Variants in PVR observed in about 807,000 individuals in gnomAD.
PVR encodes the protein poliovirus receptor.
PVR carries 39 observed loss-of-function variants against 43.3 expected under a neutral mutation model. The observed-to-expected ratio is 0.90, with a 90% confidence interval of 0.70 to 1.18. The LOEUF (loss-of-function observed/expected upper bound fraction) is 1.18. PVR is among the 50% of genes most tolerant of loss of function. The pLI, the probability that PVR is intolerant of heterozygous loss-of-function variation, is 0.00. For missense variants in PVR, 480 were observed against 549.7 expected, an observed-to-expected ratio of 0.87 and a Z score of 1.27; for synonymous variants, 224 against 233.2, an observed-to-expected ratio of 0.96 and a Z score of 0.36.
At chr19:44,659,706 C>T (rs1210629304) in intron 6 of PVR, among the ~76,000 whole-genome samples, 2 of 151,936 alleles carry the variant, frequency 1.3e-5, no homozygotes, top group Non-Finnish European at 2.9e-5. Context: ...GGTCTCAAAC[C>T]CCTGGTCTCC....
chr19:44,657,996 CCTT>C lies in PVR; in HGVS notation c.991+89_991+91del. 2.1e-6 allele frequency: 3 copies of C among 1,418,984 alleles called. No individual in the cohort carries two copies. The Admixed American group carries it at 6.7e-5, about 32-fold the overall frequency. 87.9% of individuals were successfully genotyped at this position (1,418,984 alleles called of 1,614,324 possible). A position where few individuals can be genotyped will look rare whatever the true frequency, so the allele number is the denominator to read the frequency against. ...CTGTCTAATGCTCTCTGGCTCCCAT[CCTT>C]CTCCTAAGCCTTCTCACAAAAGGAC... is the stretch of plus-strand genomic sequence containing the variant. On this transcript the variant is annotated intron_variant, in intron 5 of 7. Coordinates refer to ENST00000425690, the MANE Select transcript of PVR (RefSeq NM_006505.5).
At chr19:44,658,674 C>A in intron 5 of PVR, 68 bp from the exon 6 acceptor site, 1 of 1,378,280 alleles carries the variant, frequency 7.3e-7, no homozygotes, top group South Asian at 1.4e-5. Flanking sequence ...ATTCAAGATG[C>A]CATTTCAAGA....
intron 1 of PVR, among the ~76,000 whole-genome samples, chr19:44,645,187 T>A (rs1430807724): frequency 2.1e-5 from 2 of 93,248 alleles, no homozygotes; most frequent in African/African-American, 9.3e-5. Context: ...TATATATTAT[T>A]ATAATATATA....
chr19:44,652,003 A>G (rs1973293638), intron 3 of PVR, among the ~76,000 whole-genome samples: 1 of 152,060 alleles, frequency 6.6e-6, no homozygotes, highest in Non-Finnish European at 1.5e-5. Context: ...TAAAAAATAC[A>G]AAAATTAGCC....
rs1368176545 is a variant in PVR at position 44,649,867 on chromosome 19, C to T, written c.486C>T (p.Pro162=). The change falls in exon 3 of 8, where the codon CCC becomes CCT. Residue 162 remains proline (P), a synonymous_variant. Coordinates refer to ENST00000425690, the MANE Select transcript of PVR (RefSeq NM_006505.5). ...QKVQLTGEPV[P]MARCVSTGGR... ...TCCAGCTCACTGGAGAGCCAGTGCC[C>T]ATGGCCCGCTGCGTCTCCACAGGGG... 9 of 1,614,124 alleles carry T rather than the reference C, an allele frequency of 5.6e-6. No homozygotes were observed. In the Middle Eastern group the frequency reaches 5.0e-4, roughly 89 times the overall value.
rs764932190 is a variant in PVR at position 44,658,882 on chromosome 19, T to G, written c.1132T>G (p.Cys378Gly). ...SKCSREVLWH[C>G]HLCPSSTEHA... Reference sequence around the variant, plus strand: ...ATGTTCCCGTGAGGTCCTTTGGCACTGTCATCTGTGTCCCTCGAGTGAGCA... The same window carrying G: ...ATGTTCCCGTGAGGTCCTTTGGCACGGTCATCTGTGTCCCTCGAGTGAGCA... The change falls in exon 6 of 8, where the codon TGT (cysteine) becomes GGT (glycine). Residue 378 changes from cysteine to glycine, a missense_variant. Physicochemically the swap from Cys to Gly is radical, Grantham distance 159. Transcript: ENST00000425690. The G allele has an allele frequency of 6.0e-5, 97 of 1,613,994 alleles. 1 individual carries two copies. In the East Asian group the frequency reaches 2.1e-3, roughly 36 times the overall value.
rs1599773860 is a variant in PVR at position 44,658,793 on chromosome 19, T to C, written c.1043T>C (p.Leu348Pro). The C allele has an allele frequency of 6.2e-7, 1 of 1,613,012 alleles. No individual in the cohort carries two copies. Among genetic ancestry groups the C allele is most frequent in the East Asian group, 2.2e-5 (1 of 44,884 alleles). ...SGMSRNAIIF[L>P]VLGILVFLIL... ...ATGTCCCGTAACGCCATCATCTTCC[T>C]GGTTCTGGGAATCCTGGTTTTTCTG... The change falls in exon 6 of 8, where the codon CTG becomes CCG. Residue 348 changes from leucine to proline, a missense_variant. By Grantham distance (98) the Leu-to-Pro change is moderately conservative. Coordinates refer to ENST00000425690, the MANE Select transcript of PVR (RefSeq NM_006505.5).
chr19:44,645,958 C>T (rs1973104227), intron 1 of PVR, among the ~76,000 whole-genome samples: 2 of 152,172 alleles, frequency 1.3e-5, no homozygotes, highest in Admixed American at 1.3e-4. Flanking sequence ...AGGTCAGTCT[C>T]TGACCGCCCA....
In PVR at chr19:44,646,633, G is replaced by A. The variant is rs141564432; in HGVS notation, c.80-590G>A. Among the ~76,000 whole-genome samples the A allele has an allele frequency of 7.7e-3, 1,168 of 152,292 alleles. 20 individuals carry two copies. The highest frequency in any genetic ancestry group is 0.026 in the African/African-American group (1,075 of 41,568). Reference sequence around the variant, plus strand: ...CAAAAATACAAAAAATTAGCCAGGTGTGGTGGTGGGAGCCTGTCATCCCAG... The same window carrying A: ...CAAAAATACAAAAAATTAGCCAGGTATGGTGGTGGGAGCCTGTCATCCCAG... On this transcript the variant is annotated intron_variant, in intron 1 of 7. Coordinates refer to ENST00000425690, the MANE Select transcript of PVR (RefSeq NM_006505.5).
At chr19:44,648,983 G>C (rs1048548087) in intron 2 of PVR, among the ~76,000 whole-genome samples, 4 of 152,214 alleles carry the variant, frequency 2.6e-5, no homozygotes, top group Admixed American at 2.6e-4. Context: ...GAGTCAGACA[G>C]ACTTTATGTG....
chr19:44,662,105 G>T lies in PVR; in HGVS notation c.*294G>T. ...CAAAGGGAGGAGGTGCACAGCACAC[G>T]TTCCACGACAGATGAGGCGACGGCT... On this transcript the variant is annotated 3_prime_UTR_variant, in exon 8 of 8. Transcript: ENST00000425690. 1 of 402,186 alleles carries T rather than the reference G, an allele frequency of 2.5e-6. No individual in the cohort carries two copies. The highest frequency in any genetic ancestry group is 4.2e-5 in the South Asian group (1 of 23,956). 24.9% of individuals were successfully genotyped at this position (402,186 alleles called of 1,614,324 possible). A position where few individuals can be genotyped will look rare whatever the true frequency, so the allele number is the denominator to read the frequency against.
At chr19:44,661,614 T>C in intron 7 of PVR, 126 bp from the exon 8 acceptor site, 1 of 855,958 alleles carries the variant, frequency 1.2e-6, no homozygotes, top group Non-Finnish European at 1.9e-6. Flanking sequence ...TGAGAAGCAC[T>C]GCCCTGGCTT....
Position 44,663,859 on chromosome 19 carries a change from ATCCTCCC to A in PVR, c.*2049_*2055del, listed in dbSNP as rs1458903981. ...AGCCTCTAACTCCGGGGCTCAAGCA[ATCCTCCC>A]ACCTCAGCCTACCAAGTAGCTGTGA... On this transcript the variant is annotated 3_prime_UTR_variant, in exon 8 of 8. Transcript: ENST00000425690. 2.0e-5 allele frequency among the ~76,000 whole-genome samples: 3 copies of A among 151,950 alleles called. No individual in the cohort carries two copies.
chr19:44,647,748 G>C (rs1373152476), intron 2 of PVR, among the ~76,000 whole-genome samples, 178 bp downstream of exon 2: 2 of 149,922 alleles, frequency 1.3e-5, no homozygotes, highest in East Asian at 2.0e-4. Flanking sequence ...GGAGGTGAGT[G>C]GGGGGAGGGG....
chr19:44,656,376 G>A (rs1370611332), intron 4 of PVR, among the ~76,000 whole-genome samples: 1 of 152,168 alleles, frequency 6.6e-6, no homozygotes, highest in African/African-American at 2.4e-5. Flanking sequence ...TGCCTTTACT[G>A]TCCTGCCTCA....
At chr19:44,653,767 C>A (rs890008342) in intron 3 of PVR, 133 bp from the exon 4 acceptor site, 1 of 677,912 alleles carries the variant, frequency 1.5e-6, no homozygotes, top group African/African-American at 1.8e-5. Context: ...TACCTAGACT[C>A]CTCCTAGGCC....
At chr19:44,649,727 C>A in intron 2 of PVR, 82 bp from the exon 3 acceptor site, 1 of 1,444,860 alleles carries the variant, frequency 6.9e-7, no homozygotes, top group Non-Finnish European at 9.5e-7. Flanking sequence ...AGCAACCATG[C>A]CATCCTGTAC....
At chr19:44,657,493 G>A (rs553543779) in intron 4 of PVR, among the ~76,000 whole-genome samples, 82 of 152,306 alleles carry the variant, frequency 5.4e-4, no homozygotes, top group African/African-American at 1.8e-3. Flanking sequence ...GCTGCTGGGG[G>A]CCGGGATGCA....
chr19:44,645,183 TTATTA>T (rs1359227402), intron 1 of PVR, among the ~76,000 whole-genome samples: 1 of 85,532 alleles, frequency 1.2e-5, no homozygotes, highest in Admixed American at 2.0e-4. Flanking sequence ...ATTATATATA[TTATTA>T]TAATATATAA....
Sources: gnomAD v4.1 joint callset for allele counts (sites outside exome capture counted in the v4.1 genomes callset) on GRCh38, gnomAD v4.1.1 for gene constraint, MANE v1.5 for transcripts, NCBI Gene and HGNC (gene_info 2026-07-23, HGNC 2026-07-21) for gene names.